The following SCARA3 variants were observed in gnomAD, a reference collection of about 807,000 sequenced individuals.
SCARA3 encodes the protein scavenger receptor class A member 3.
In SCARA3, 39 loss-of-function variants were observed where a neutral mutation model predicts 47.0. That is an observed-to-expected ratio of 0.83 (90% CI 0.64 to 1.08). SCARA3 has a LOEUF of 1.08. SCARA3 is among the 50% of genes least tolerant of loss of function. SCARA3 has a pLI of 0.00. For synonymous variants in SCARA3, 356 were observed against 334.1 expected, an observed-to-expected ratio of 1.07 and a Z score of -0.71; for missense variants, 724 against 792.3, an observed-to-expected ratio of 0.91 and a Z score of 1.04.
intron 5 of SCARA3, among the ~76,000 whole-genome samples, chr8:27,659,873 AAAAAGAGAGAG>A (rs1801855945): frequency 1.7e-5 from 2 of 116,400 alleles, no homozygotes; most frequent in South Asian, 3.6e-4. Context: ...AAAAAAAAAA[AAAAAGAGAGAG>A]AGAGAGAAAA....
At chr8:27,663,260 C>T (rs910579738) in intron 5 of SCARA3, among the ~76,000 whole-genome samples, 4 of 152,238 alleles carry the variant, frequency 2.6e-5, no homozygotes, top group African/African-American at 9.6e-5. Flanking sequence ...ACTGCAGTTG[C>T]CCACTTTCAG....
chr8:27,713,930 T>C, the SCARA3 span, among the ~76,000 whole-genome samples: 136 of 152,274 alleles, frequency 8.9e-4, no homozygotes, highest in Non-Finnish European at 1.6e-3. Flanking sequence ...AGCTCCCTCA[T>C]GGCTTGGTGC....
chr8:27,707,501 A>G, the SCARA3 span, among the ~76,000 whole-genome samples: 1 of 152,094 alleles, frequency 6.6e-6, no homozygotes, highest in Non-Finnish European at 1.5e-5. Context: ...ATTCAACAGA[A>G]AGGCCAGAAT....
At chr8:27,648,349 G>A (rs538179) in intron 1 of SCARA3, among the ~76,000 whole-genome samples, 28,040 of 152,278 alleles carry the variant, frequency 0.18, 3,176 homozygotes, top group Middle Eastern at 0.33. Context: ...GCTCACGCCT[G>A]TAATCCCAGC....
the SCARA3 span, among the ~76,000 whole-genome samples, chr8:27,721,336 A>G: frequency 6.6e-6 from 1 of 152,188 alleles, no homozygotes. Context: ...AGTACCTACT[A>G]TGAACCGGGC....
intron 1 of SCARA3, among the ~76,000 whole-genome samples, chr8:27,640,834 C>T (rs920785207): frequency 1.3e-5 from 2 of 151,968 alleles, no homozygotes; most frequent in Non-Finnish European, 2.9e-5. Flanking sequence ...GTAACTGGGA[C>T]TACAGATGCA....
At chr8:27,659,815 A>C (rs1261104288) in intron 5 of SCARA3, among the ~76,000 whole-genome samples, 1 of 129,430 alleles carries the variant, frequency 7.7e-6, no homozygotes, top group Non-Finnish European at 1.6e-5. Context: ...GCACCACTGC[A>C]CTGCAGCCTG....
chr8:27,672,739 C>T lies in SCARA3; in HGVS notation c.*1388C>T, dbSNP rs745794458. The T allele has an allele frequency of 2.5e-5, 25 of 985,468 alleles. No individual in the cohort carries two copies. Among genetic ancestry groups the T allele is most frequent in the Non-Finnish European group, 2.8e-5 (23 of 830,058 alleles). The allele number at this position is 985,468 out of a possible 1,614,324, so 61.0% of individuals were successfully genotyped here. A position where few individuals can be genotyped will look rare whatever the true frequency, so the allele number is the denominator to read the frequency against. ...AATCACCCCACAGGGTGGAGGTCTC[C>T]TGTTGGCTACACTCTAAAGCTGCTT... On this transcript the variant is annotated 3_prime_UTR_variant, in exon 6 of 6. Transcript: ENST00000301904.
chr8:27,651,429 A>T, intron 2 of SCARA3, 79 bp from the exon 3 acceptor site: 1 of 1,537,650 alleles, frequency 6.5e-7, no homozygotes, highest in Non-Finnish European at 8.8e-7. Context: ...GACAGACCAG[A>T]GCAGGAACAT....
the SCARA3 span, among the ~76,000 whole-genome samples, chr8:27,687,091 C>T: frequency 2.6e-5 from 4 of 152,180 alleles, no homozygotes; most frequent in African/African-American, 9.7e-5. Context: ...CAGGTCTGTC[C>T]AATGATAATA....
chr8:27,675,184 C>G (rs973007289), downstream of SCARA3, among the ~76,000 whole-genome samples: 2 of 152,222 alleles, frequency 1.3e-5, no homozygotes, highest in Non-Finnish European at 2.9e-5. Flanking sequence ...GCTGGGCAAG[C>G]CTTCTGCCGT....
At chr8:27,704,893 C>T in the SCARA3 span, among the ~76,000 whole-genome samples, 86 of 152,268 alleles carry the variant, frequency 5.6e-4, 3 homozygotes, top group East Asian at 0.016. Flanking sequence ...TCTTTGCTGC[C>T]AGCGCCCTGC....
chr8:27,652,699 G>A (rs377219730), intron 3 of SCARA3, among the ~76,000 whole-genome samples: 5 of 152,178 alleles, frequency 3.3e-5, no homozygotes, highest in South Asian at 4.1e-4. Context: ...AACAAAAGCC[G>A]GGAGCCTGCT....
At chr8:27,710,216 C>T in the SCARA3 span, among the ~76,000 whole-genome samples, 6 of 124,228 alleles carry the variant, frequency 4.8e-5, no homozygotes, top group Admixed American at 1.0e-4. Context: ...GGCGACAGAG[C>T]GAGACTCCGT....
At chr8:27,676,518 G>A (rs1192238059), downstream of SCARA3, 1 of 1,600,378 alleles carries the variant, frequency 6.2e-7, no homozygotes, top group Non-Finnish European at 8.5e-7. Context: ...CCTGAAGTGA[G>A]GAACAAACTA....
chr8:27,722,755 A>G, the SCARA3 span, among the ~76,000 whole-genome samples: 1 of 152,158 alleles, frequency 6.6e-6, no homozygotes, highest in Non-Finnish European at 1.5e-5. Flanking sequence ...ATAACATTGT[A>G]TGGCCAAGTA....
rs200500758 is a variant in SCARA3, at chr8:27,671,309, C to T, written c.1779C>T (p.Leu593=). The change falls in exon 6 of 6, where the codon CTC becomes CTT. Residue 593 remains leucine (L), a synonymous_variant. Coordinates refer to ENST00000301904, the MANE Select transcript of SCARA3 (RefSeq NM_016240.3). ...GEPGIQGPPG[L]PGPPGPPGSQ... ...CAGGGATCCAGGGTCCCCCTGGTCT[C>T]CCGGGGCCTCCAGGTCCACCAGGAA... 120 of 1,431,700 alleles carry T rather than the reference C, an allele frequency of 8.4e-5. No individual in the cohort carries two copies. The highest frequency in any genetic ancestry group is 1.1e-4 in the Non-Finnish European group (120 of 1,092,374). 88.7% of individuals were successfully genotyped at this position (1,431,700 alleles called of 1,614,324 possible). A position where few individuals can be genotyped will look rare whatever the true frequency, so the allele number is the denominator to read the frequency against.
At chr8:27,678,941 A>G (rs28736429), downstream of SCARA3, among the ~76,000 whole-genome samples, 1,532 of 152,214 alleles carry the variant, frequency 0.01, 17 homozygotes, top group African/African-American at 0.035. Context: ...TAATCCCAGC[A>G]CTTTGGGAGG....
chr8:27,684,932 G>C, the SCARA3 span, among the ~76,000 whole-genome samples: 1 of 151,836 alleles, frequency 6.6e-6, no homozygotes, highest in Non-Finnish European at 1.5e-5. Flanking sequence ...TAAAAAAAAA[G>C]TTTAAAGAAG....
Sources: allele counts gnomAD v4.1 joint callset (sites outside exome capture counted in the v4.1 genomes callset), GRCh38; gene constraint gnomAD v4.1.1; transcripts MANE v1.5; gene names NCBI Gene and HGNC (gene_info 2026-07-23, HGNC 2026-07-21).